SHROOM3: variants seen among roughly 807,000 people sequenced by gnomAD.
The protein encoded by SHROOM3 is shroom family member 3, also known as protein Shroom3.
SHROOM3 carries 47 observed loss-of-function variants against 138.6 expected under a neutral mutation model. That is an observed-to-expected ratio of 0.34 (90% CI 0.27 to 0.43). The LOEUF (loss-of-function observed/expected upper bound fraction) is 0.43. SHROOM3 is among the 20% of genes least tolerant of loss of function. The pLI, the probability that SHROOM3 is intolerant of heterozygous loss-of-function variation, is 1.00. For missense variants in SHROOM3, 2,491 were observed against 2,596.5 expected (o/e 0.96, Z 0.88); for synonymous variants, 1,062 against 1,063.3 (o/e 1.00, Z 0.02).
intron 1 of SHROOM3, among the ~76,000 whole-genome samples, chr4:76,463,163 G>T (rs956467151): frequency 6.6e-6 from 1 of 152,340 alleles, no homozygotes; most frequent in South Asian, 2.1e-4. Context: ...GGACAATGAA[G>T]TCCAGGCTGA....
At chr4:76,718,457 T>C (rs1350349029) in intron 3 of SHROOM3, among the ~76,000 whole-genome samples, 1 of 152,218 alleles carries the variant, frequency 6.6e-6, no homozygotes, top group African/African-American at 2.4e-5. Flanking sequence ...TCCAGTAACA[T>C]TTGGAAACTT....
At chr4:76,480,812 A>C (rs1731592601) in intron 1 of SHROOM3, among the ~76,000 whole-genome samples, 1 of 152,194 alleles carries the variant, frequency 6.6e-6, no homozygotes, top group Non-Finnish European at 1.5e-5. Flanking sequence ...TCAAACTAGA[A>C]CTCAGGATTA....
At chr4:76,770,558 G>A (rs915896615) in intron 9 of SHROOM3, 68 bp from the exon 10 acceptor site, 1 of 1,588,718 alleles carries the variant, frequency 6.3e-7, no homozygotes, top group South Asian at 1.1e-5. Context: ...GGTGGCTGGG[G>A]GAGGTGACTT....
At chr4:76,764,825 T>C (rs768753899) in intron 9 of SHROOM3, among the ~76,000 whole-genome samples, 10 of 152,208 alleles carry the variant, frequency 6.6e-5, no homozygotes, top group Non-Finnish European at 1.3e-4. Context: ...TTTCTTTGAG[T>C]TGATCGTATT....
chr4:76,768,757 G>A (rs915964986), intron 9 of SHROOM3, among the ~76,000 whole-genome samples: 1 of 152,026 alleles, frequency 6.6e-6, no homozygotes, highest in East Asian at 1.9e-4. Flanking sequence ...CAGGTGATCC[G>A]CCCACCTCAG....
intron 1 of SHROOM3, among the ~76,000 whole-genome samples, chr4:76,499,174 G>T (rs562440307): frequency 6.6e-6 from 1 of 152,204 alleles, no homozygotes; most frequent in African/African-American, 2.4e-5. Context: ...GGGAAGCAAC[G>T]TGGCATCACA....
At chr4:76,643,212 A>G (rs1444629864) in intron 2 of SHROOM3, among the ~76,000 whole-genome samples, 1 of 18,010 alleles carries the variant, frequency 5.6e-5, no homozygotes, top group Admixed American at 5.6e-4. Context: ...ATGCTGTCTC[A>G]AAAAAAAAAA....
At chr4:76,602,126 C>T (rs967908941) in intron 2 of SHROOM3, among the ~76,000 whole-genome samples, 2 of 152,182 alleles carry the variant, frequency 1.3e-5, no homozygotes, top group African/African-American at 4.8e-5. Flanking sequence ...TGAAGCCATC[C>T]AGGAGCAATT....
At chr4:76,770,351 A>C (rs973147061) in intron 9 of SHROOM3, among the ~76,000 whole-genome samples, 1 of 130,666 alleles carries the variant, frequency 7.7e-6, no homozygotes, top group Non-Finnish European at 1.7e-5. Context: ...AAAAAAAAAA[A>C]CAGAAGACAA....
chr4:76,466,120 G>T (rs1466822359), intron 1 of SHROOM3, among the ~76,000 whole-genome samples: 1 of 152,172 alleles, frequency 6.6e-6, no homozygotes, highest in Non-Finnish European at 1.5e-5. Flanking sequence ...AATGAAAAAT[G>T]TAGGGTTGGT....
At chr4:76,758,821 T>C (rs1175224608) in intron 8 of SHROOM3, among the ~76,000 whole-genome samples, 2 of 152,152 alleles carry the variant, frequency 1.3e-5, no homozygotes, top group African/African-American at 2.4e-5. Flanking sequence ...CGTACTTCCA[T>C]AGAGTCATTT....
At chr4:76,720,299 G>T (rs1236615520) in intron 3 of SHROOM3, among the ~76,000 whole-genome samples, 1 of 151,770 alleles carries the variant, frequency 6.6e-6, no homozygotes, top group Admixed American at 6.6e-5. Flanking sequence ...AGTGTTGAAG[G>T]ACAATGGCCA....
intron 3 of SHROOM3, among the ~76,000 whole-genome samples, chr4:76,718,567 CTTTG>C (rs1364968110): frequency 6.6e-6 from 1 of 152,080 alleles, no homozygotes; most frequent in African/African-American, 2.4e-5. Context: ...CTGTCTTTTC[CTTTG>C]TTTTCTTATT....
At chr4:76,554,510 C>T (rs1353846242) in intron 1 of SHROOM3, among the ~76,000 whole-genome samples, 1 of 149,228 alleles carries the variant, frequency 6.7e-6, no homozygotes. Context: ...AGCGTCGGCT[C>T]TTGGGTTCAT....
chr4:76,489,606 G>C (rs775233914), intron 1 of SHROOM3, among the ~76,000 whole-genome samples: 24 of 152,128 alleles, frequency 1.6e-4, no homozygotes, highest in Non-Finnish European at 3.1e-4. Flanking sequence ...GTCAAAGCTC[G>C]AGCCAGGGTT....
intron 3 of SHROOM3, among the ~76,000 whole-genome samples, chr4:76,727,866 C>T (rs1219522433): frequency 3.8e-4 from 43 of 113,964 alleles, no homozygotes; most frequent in Admixed American, 3.2e-3. Flanking sequence ...CCAGCCTGGG[C>T]GATAGAGCAA....
chr4:76,774,720 GTTTTT>G (rs71212453), intron 10 of SHROOM3, among the ~76,000 whole-genome samples: 1 of 112,268 alleles, frequency 8.9e-6, no homozygotes, highest in African/African-American at 3.2e-5. Flanking sequence ...TTTTTTTTTT[GTTTTT>G]TTTTTTTTTA....
At chr4:76,697,698 T>C (rs1298451674) in intron 2 of SHROOM3, among the ~76,000 whole-genome samples, 1 of 152,234 alleles carries the variant, frequency 6.6e-6, no homozygotes. Flanking sequence ...ATTAAATTTG[T>C]TATGTAAAAA....
intron 1 of SHROOM3, among the ~76,000 whole-genome samples, chr4:76,525,039 A>C (rs551129085): frequency 6.6e-6 from 1 of 152,316 alleles, no homozygotes; most frequent in Non-Finnish European, 1.5e-5. Context: ...AACATTTTAC[A>C]TTCCCACCAG....
Sources: allele counts gnomAD v4.1 joint callset (sites outside exome capture counted in the v4.1 genomes callset), GRCh38; gene constraint gnomAD v4.1.1; transcripts MANE v1.5; gene names NCBI Gene and HGNC (gene_info 2026-07-23, HGNC 2026-07-21).